The following RAB38 variants were observed in gnomAD, a reference collection of about 807,000 sequenced individuals.
RAB38 encodes the protein RAB38, member RAS oncogene family, also known as ras-related protein Rab-38.
Under a neutral mutation model 18.4 loss-of-function variants are expected in RAB38, and 15 were observed. That is an observed-to-expected ratio of 0.82 (90% CI 0.55 to 1.26). The LOEUF is 1.26. Among genes scored for constraint, RAB38 ranks in the 50% most tolerant of loss-of-function variants. RAB38 has a pLI of 0.00. For synonymous variants in RAB38, 101 were observed against 104.4 expected (o/e 0.97, Z 0.20); for missense variants, 294 against 267.4 (o/e 1.10, Z -0.69).
At chr11:87,938,292 G>C in the RAB38 span, among the ~76,000 whole-genome samples, 1 of 152,008 alleles carries the variant, frequency 6.6e-6, no homozygotes, top group Non-Finnish European at 1.5e-5. Context: ...TTTCTACTAG[G>C]TTGTCTTTGA....
At chr11:87,904,995 C>T in the RAB38 span, among the ~76,000 whole-genome samples, 2 of 151,632 alleles carry the variant, frequency 1.3e-5, no homozygotes, top group Non-Finnish European at 3.0e-5. Context: ...TCTCTTTTGG[C>T]CTCTTCTGGG....
the RAB38 span, among the ~76,000 whole-genome samples, chr11:87,956,695 CACCCCCACTTTTCT>C: frequency 6.6e-6 from 1 of 152,040 alleles, no homozygotes; most frequent in Non-Finnish European, 1.5e-5. Flanking sequence ...TCACTCTGAC[CACCCCCACTTTTCT>C]GTATAAAGCA....
chr11:88,053,173 TG>T, the RAB38 span, among the ~76,000 whole-genome samples: 2 of 114,828 alleles, frequency 1.7e-5, no homozygotes, highest in Non-Finnish European at 3.4e-5. Context: ...CACATATATA[TG>T]GAATATATAT....
the RAB38 span, among the ~76,000 whole-genome samples, chr11:87,821,553 A>G: frequency 2.0e-5 from 3 of 152,308 alleles, no homozygotes; most frequent in Admixed American, 2.0e-4. Flanking sequence ...AGCACTGCTT[A>G]TAAAGTATAA....
chr11:87,907,250 G>C, the RAB38 span, among the ~76,000 whole-genome samples: 1 of 151,844 alleles, frequency 6.6e-6, no homozygotes, highest in Non-Finnish European at 1.5e-5. Flanking sequence ...TTTGATACGT[G>C]AAACACAGAA....
the RAB38 span, among the ~76,000 whole-genome samples, chr11:88,062,949 G>C: frequency 6.6e-6 from 1 of 152,246 alleles, no homozygotes; most frequent in Admixed American, 6.5e-5. Context: ...ATGGGATTAG[G>C]GTGGTTTACT....
the RAB38 span, among the ~76,000 whole-genome samples, chr11:87,878,423 T>C: frequency 8.6e-5 from 13 of 151,074 alleles, no homozygotes; most frequent in South Asian, 6.2e-4. Context: ...ACCCTGGTTA[T>C]GCAGCTCAGA....
chr11:87,879,152 T>C, the RAB38 span, among the ~76,000 whole-genome samples: 1 of 151,572 alleles, frequency 6.6e-6, no homozygotes, highest in African/African-American at 2.4e-5. Context: ...TAAATATAAA[T>C]TTCATTGTTT....
chr11:88,061,397 G>A, the RAB38 span, among the ~76,000 whole-genome samples: 1 of 152,160 alleles, frequency 6.6e-6, no homozygotes, highest in Non-Finnish European at 1.5e-5. Flanking sequence ...TCAGTGCTGA[G>A]CAAAATGAGA....
At chr11:87,930,136 C>T in the RAB38 span, among the ~76,000 whole-genome samples, 1 of 151,976 alleles carries the variant, frequency 6.6e-6, no homozygotes, top group Admixed American at 6.6e-5. Context: ...TGAGGAATCG[C>T]CACACTGACT....
At chr11:88,125,699 T>C (rs1021844243) in intron 2 of RAB38, among the ~76,000 whole-genome samples, 2 of 152,242 alleles carry the variant, frequency 1.3e-5, no homozygotes, top group Non-Finnish European at 2.9e-5. Flanking sequence ...TCTTTTGCTG[T>C]GCAGAAGCTC....
At chr11:88,172,713 G>A (rs576518178) in intron 1 of RAB38, among the ~76,000 whole-genome samples, 39 of 152,322 alleles carry the variant, frequency 2.6e-4, no homozygotes, top group Non-Finnish European at 4.6e-4. Context: ...GTGGGCAGTT[G>A]AGGTTGTATT....
chr11:88,124,209 C>A (rs779842785), intron 2 of RAB38, among the ~76,000 whole-genome samples: 2 of 152,182 alleles, frequency 1.3e-5, no homozygotes, highest in African/African-American at 2.4e-5. Flanking sequence ...AGGACGTAGG[C>A]ATGGGCAGGG....
the RAB38 span, among the ~76,000 whole-genome samples, chr11:87,875,346 AAAAAT>A: frequency 1.6e-4 from 25 of 151,618 alleles, no homozygotes; most frequent in Non-Finnish European, 3.5e-4. Flanking sequence ...TAAAGGTGAG[AAAAAT>A]AAAATAAAAT....
At chr11:87,963,832 GAC>G in the RAB38 span, among the ~76,000 whole-genome samples, 1 of 151,824 alleles carries the variant, frequency 6.6e-6, no homozygotes, top group African/African-American at 2.4e-5. Flanking sequence ...ATTTTTAGTA[GAC>G]ACAGGGTTTC....
chr11:87,835,438 C>T, the RAB38 span, among the ~76,000 whole-genome samples: 5 of 152,118 alleles, frequency 3.3e-5, no homozygotes, highest in Non-Finnish European at 7.3e-5. Context: ...ATATTAAGCC[C>T]CGGCTTAGGG....
the RAB38 span, among the ~76,000 whole-genome samples, chr11:87,811,462 TG>T: frequency 3.3e-5 from 5 of 152,172 alleles, no homozygotes; most frequent in African/African-American, 4.8e-5. Flanking sequence ...CCTACACAAT[TG>T]GCCTCTTCTT....
At chr11:88,011,946 C>G in the RAB38 span, among the ~76,000 whole-genome samples, 2 of 152,158 alleles carry the variant, frequency 1.3e-5, no homozygotes, top group East Asian at 3.9e-4. Context: ...TCGTGTTGTT[C>G]TGCTTTGCCA....
At chr11:88,164,257 G>GGC (rs1240966511) in intron 1 of RAB38, among the ~76,000 whole-genome samples, 3 of 134,896 alleles carry the variant, frequency 2.2e-5, no homozygotes, top group Admixed American at 7.5e-5. Flanking sequence ...AGGTGCTCTC[G>GGC]GTGGGGGGGG....
Sources: allele counts gnomAD v4.1 joint callset (sites outside exome capture counted in the v4.1 genomes callset), GRCh38; gene constraint gnomAD v4.1.1; transcripts MANE v1.5; gene names NCBI Gene and HGNC (gene_info 2026-07-23, HGNC 2026-07-21).